Variants in AOPEP observed in about 807,000 individuals in gnomAD.
AOPEP encodes the protein aminopeptidase O (putative).
AOPEP carries 77 observed loss-of-function variants against 98.1 expected under a neutral mutation model. That is an observed-to-expected ratio of 0.78 (90% CI 0.65 to 0.95). The LOEUF is 0.95. Ranked by LOEUF, AOPEP falls within the 40% of genes least tolerant of loss-of-function variation. AOPEP has a pLI of 0.00. For synonymous variants in AOPEP, 346 were observed against 365.3 expected, an observed-to-expected ratio of 0.95 and a Z score of 0.60; for missense variants, 1,024 against 1,024.7, an observed-to-expected ratio of 1.00 and a Z score of 0.01.
chr9:94,747,666 C>T (rs1834828069), intron 1 of AOPEP, among the ~76,000 whole-genome samples: 1 of 152,196 alleles, frequency 6.6e-6, no homozygotes, highest in Non-Finnish European at 1.5e-5. Flanking sequence ...TGGCCAGTTT[C>T]TGCTGTTTAA....
intron 5 of AOPEP, among the ~76,000 whole-genome samples, chr9:94,883,581 A>C (rs1241086030): frequency 6.6e-6 from 1 of 152,190 alleles, no homozygotes; most frequent in East Asian, 1.9e-4. Context: ...GTTAAGTTAC[A>C]ATTCAGACTG....
At chr9:94,981,257 G>T (rs1395191721) in intron 11 of AOPEP, among the ~76,000 whole-genome samples, 1 of 152,176 alleles carries the variant, frequency 6.6e-6, no homozygotes, top group Non-Finnish European at 1.5e-5. Flanking sequence ...GGGGTCTGTG[G>T]CAGGGAGAGA....
chr9:94,749,176 A>T (rs564030472), intron 1 of AOPEP, among the ~76,000 whole-genome samples: 3 of 152,332 alleles, frequency 2.0e-5, no homozygotes, highest in African/African-American at 7.2e-5. Context: ...TTATTTGTTT[A>T]TATCAGAATA....
chr9:95,034,882 G>C (rs2064647971), intron 13 of AOPEP, among the ~76,000 whole-genome samples: 1 of 152,074 alleles, frequency 6.6e-6, no homozygotes, highest in South Asian at 2.1e-4. Flanking sequence ...ATAGGATTCA[G>C]GTTTTGTTAT....
At chr9:95,129,449 A>G in the AOPEP span, among the ~76,000 whole-genome samples, 1 of 152,204 alleles carries the variant, frequency 6.6e-6, no homozygotes, top group East Asian at 1.9e-4. Context: ...TAGCATCTTC[A>G]TGAGTGATGA....
the AOPEP span, among the ~76,000 whole-genome samples, chr9:95,106,077 C>A: frequency 6.6e-6 from 1 of 152,224 alleles, no homozygotes; most frequent in South Asian, 2.1e-4. Context: ...ACGTTAATGT[C>A]CCCACCGGGA....
At chr9:94,956,058 G>C (rs972735390) in intron 9 of AOPEP, 43 bp downstream of exon 9, 21 of 1,145,120 alleles carry the variant, frequency 1.8e-5, no homozygotes, top group Admixed American at 1.8e-4. Context: ...ATGACTGGAG[G>C]GGGTATGGCA....
chr9:94,772,885 A>C, intron 2 of AOPEP, 117 bp from the exon 3 acceptor site: 1 of 1,046,774 alleles, frequency 9.6e-7, no homozygotes. Context: ...AGTCAACTAC[A>C]AAGTTTCAAA....
chr9:94,739,284 T>C (rs1832518663), intron 1 of AOPEP, among the ~76,000 whole-genome samples: 1 of 152,220 alleles, frequency 6.6e-6, no homozygotes, highest in African/African-American at 2.4e-5. Context: ...AAGGATTTTC[T>C]TACTAATCCT....
At chr9:94,775,395 G>A (rs1044002530) in intron 3 of AOPEP, among the ~76,000 whole-genome samples, 2 of 148,322 alleles carry the variant, frequency 1.3e-5, no homozygotes, top group African/African-American at 2.5e-5. Context: ...TTTTGAGACA[G>A]AGTCTTGCTC....
chr9:95,002,270 C>A (rs1372927819), intron 11 of AOPEP, among the ~76,000 whole-genome samples: 2 of 152,182 alleles, frequency 1.3e-5, no homozygotes, highest in Non-Finnish European at 2.9e-5. Flanking sequence ...CTTTATCCTT[C>A]CATTCACTAT....
rs74993251 is a variant in AOPEP, at chr9:94,834,472, T to C, written c.1364+33470T>C. On this transcript the variant is annotated intron_variant, in intron 5 of 16. Coordinates refer to ENST00000375315, the MANE Select transcript of AOPEP (RefSeq NM_001193329.3). ...TATTATATTATTTAAGGTACAAGAA[T>C]GGTATTGTGGTTTTGTTTAAAAAAG... Among the ~76,000 whole-genome samples, 1,009 of 152,268 alleles carry C rather than the reference T, an allele frequency of 6.6e-3. 8 individuals are homozygous for C. Among genetic ancestry groups the C allele is most frequent in the African/African-American group, 0.023 (972 of 41,564 alleles).
At position 94,770,156 on chromosome 9, in the gene AOPEP, C is replaced by T. The variant is rs116119122; in HGVS notation, c.798-2846C>T. Among the ~76,000 whole-genome samples, 698 of 152,304 alleles carry T rather than the reference C, an allele frequency of 4.6e-3. 3 individuals carry two copies. The highest frequency in any genetic ancestry group is 0.016 in the African/African-American group (648 of 41,570). ...CCATAAAAGTGTCGTCTGTCATGTG[C>T]TTATGTAAAGCCCTTTATAAGCAAA... On this transcript the variant is annotated intron_variant, in intron 2 of 16. Coordinates refer to ENST00000375315, the MANE Select transcript of AOPEP (RefSeq NM_001193329.3).
intron 1 of AOPEP, among the ~76,000 whole-genome samples, chr9:94,737,448 G>A (rs748243574): frequency 1.6e-4 from 24 of 152,190 alleles, no homozygotes; most frequent in Non-Finnish European, 2.9e-4. Flanking sequence ...CTATCTTTCA[G>A]TTCCTAGAAT....
Position 94,860,810 on chromosome 9 carries a change from C to T in AOPEP, c.1364+59808C>T, listed in dbSNP as rs897533481. ...ATGTCAGGTTTAAGAAGCCACTTAG[C>T]ACAGTGCCTGACACAGAGCACACCA... On this transcript the variant is annotated intron_variant, in intron 5 of 16. Transcript: ENST00000375315. Among the ~76,000 whole-genome samples, 5 of 152,172 alleles carry T rather than the reference C, an allele frequency of 3.3e-5. No individual in the cohort carries two copies. In the East Asian group the frequency reaches 9.6e-4, roughly 29 times the overall value.
rs141221108 is a variant in AOPEP, at chr9:95,005,541, G to A, written c.2041-1G>A. 82 of 1,613,858 alleles carry A rather than the reference G, an allele frequency of 5.1e-5. No individual in the cohort carries two copies. Among genetic ancestry groups the A allele is most frequent in the Non-Finnish European group, 5.9e-5 (70 of 1,179,852 alleles). On this transcript the variant is annotated splice_acceptor_variant, in intron 12 of 16. Coordinates refer to ENST00000375315, the MANE Select transcript of AOPEP (RefSeq NM_001193329.3). LOFTEE classifies it high-confidence loss of function. ...GAAATGCTGTGGTTTTTGAACCTCA[G>A]GTCACGAAATGGATTGGAGTGAACC...
At chr9:94,743,202 G>GAAGAAGAAGAGGAAGAA (rs1564051885) in intron 1 of AOPEP, among the ~76,000 whole-genome samples, 2 of 112,806 alleles carry the variant, frequency 1.8e-5, no homozygotes, top group East Asian at 5.5e-4. Flanking sequence ...AAGAAGAAGA[G>GAAGAAGAAGAGGAAGAA]GAAGAAGAGG....
At chr9:94,814,530 T>C (rs922557320) in intron 5 of AOPEP, among the ~76,000 whole-genome samples, 2 of 152,200 alleles carry the variant, frequency 1.3e-5, no homozygotes, top group Non-Finnish European at 2.9e-5. Context: ...CATCCACATA[T>C]TGGAGAATGA....
intron 13 of AOPEP, among the ~76,000 whole-genome samples, chr9:95,007,388 T>G (rs1333925420): frequency 2.7e-5 from 4 of 146,710 alleles, no homozygotes; most frequent in Admixed American, 1.3e-4. Flanking sequence ...GGGGAGAAAG[T>G]GGGGGGGGGA....
Sources: gnomAD v4.1 joint callset for allele counts (sites outside exome capture counted in the v4.1 genomes callset) on GRCh38, gnomAD v4.1.1 for gene constraint, MANE v1.5 for transcripts, NCBI Gene and HGNC (gene_info 2026-07-23, HGNC 2026-07-21) for gene names.